Variants in UNC5C observed in about 807,000 individuals in gnomAD.
The protein encoded by UNC5C is unc-5 netrin receptor C.
In UNC5C, 47 loss-of-function variants were observed where a neutral mutation model predicts 99.8. The ratio of observed to expected loss-of-function variants is 0.47; its 90% CI spans 0.37 to 0.60. UNC5C has a LOEUF of 0.60. UNC5C is among the 20% of genes least tolerant of loss of function. The pLI is 0.00. For missense variants in UNC5C, 1,062 were observed against 1,165.9 expected, an observed-to-expected ratio of 0.91 and a Z score of 1.30; for synonymous variants, 487 against 452.2, an observed-to-expected ratio of 1.08 and a Z score of -0.98.
intron 1 of UNC5C, among the ~76,000 whole-genome samples, chr4:95,434,728 AT>A (rs1393098876): frequency 2.0e-5 from 3 of 152,034 alleles, no homozygotes; most frequent in Non-Finnish European, 2.9e-5. Context: ...CCATGACTAT[AT>A]TATCTTTCTC....
chr4:95,240,450 C>G (rs1739287211), intron 7 of UNC5C, among the ~76,000 whole-genome samples: 1 of 152,098 alleles, frequency 6.6e-6, no homozygotes, highest in Non-Finnish European at 1.5e-5. Context: ...GACTACAATT[C>G]TCTGTTGGAC....
intron 7 of UNC5C, among the ~76,000 whole-genome samples, chr4:95,227,138 TG>T (rs1219555164): frequency 1.7e-5 from 2 of 117,096 alleles, no homozygotes; most frequent in East Asian, 3.7e-4. Flanking sequence ...TTTAAAACAA[TG>T]TTTTTTTTTT....
At chr4:95,375,509 T>C (rs996967529) in intron 1 of UNC5C, among the ~76,000 whole-genome samples, 12 of 152,162 alleles carry the variant, frequency 7.9e-5, no homozygotes, top group Non-Finnish European at 1.5e-4. Context: ...AACATGTTAA[T>C]ATAAAATGCT....
chr4:95,185,596 T>TTAAC (rs1329355805), intron 12 of UNC5C, among the ~76,000 whole-genome samples: 2 of 152,196 alleles, frequency 1.3e-5, no homozygotes, highest in Non-Finnish European at 2.9e-5. Context: ...AGATTTTCAA[T>TTAAC]TAACTTTTAC....
chr4:95,343,361 CA>C (rs1743650086), intron 1 of UNC5C, among the ~76,000 whole-genome samples: 1 of 151,992 alleles, frequency 6.6e-6, no homozygotes, highest in South Asian at 2.1e-4. Flanking sequence ...GGGAAGAGAC[CA>C]AAATTCTCTG....
At chr4:95,539,839 T>C (rs930640626) in intron 1 of UNC5C, among the ~76,000 whole-genome samples, 21 of 152,152 alleles carry the variant, frequency 1.4e-4, no homozygotes, top group South Asian at 6.2e-4. Context: ...GATCACCACG[T>C]CTAATAAATC....
At chr4:95,325,288 T>C (rs187828931) in intron 2 of UNC5C, among the ~76,000 whole-genome samples, 29 of 152,304 alleles carry the variant, frequency 1.9e-4, no homozygotes, top group Admixed American at 1.8e-3. Context: ...TGAACGCTTG[T>C]TTTTTAGGCC....
intron 1 of UNC5C, among the ~76,000 whole-genome samples, chr4:95,468,140 TTTG>T (rs1747849316): frequency 6.6e-6 from 1 of 151,572 alleles, no homozygotes; most frequent in Non-Finnish European, 1.5e-5. Context: ...TTTTTTTTTT[TTTG>T]TTTTTTCATT....
chr4:95,411,083 AT>A (rs1288440019), intron 1 of UNC5C, among the ~76,000 whole-genome samples: 1 of 152,098 alleles, frequency 6.6e-6, no homozygotes, highest in African/African-American at 2.4e-5. Context: ...AAAAGAAATT[AT>A]TTTCTTATCT....
intron 1 of UNC5C, among the ~76,000 whole-genome samples, chr4:95,455,970 C>A (rs563436281): frequency 3.9e-5 from 6 of 152,180 alleles, no homozygotes; most frequent in African/African-American, 1.4e-4. Context: ...TCTGAAACCA[C>A]AAGTTTGAAA....
intron 7 of UNC5C, among the ~76,000 whole-genome samples, chr4:95,224,241 C>A (rs1379364240): frequency 6.6e-6 from 1 of 152,176 alleles, no homozygotes; most frequent in Non-Finnish European, 1.5e-5. Flanking sequence ...AGAGATTGCG[C>A]CACTGCACTC....
chr4:95,242,710 A>C, intron 6 of UNC5C, 117 bp from the exon 7 acceptor site: 2 of 1,172,008 alleles, frequency 1.7e-6, no homozygotes, highest in Non-Finnish European at 2.3e-6. Flanking sequence ...CCTACTGAGA[A>C]GCACTGTATT....
chr4:95,320,885 T>G (rs1201345982), intron 2 of UNC5C, among the ~76,000 whole-genome samples: 12 of 152,368 alleles, frequency 7.9e-5, no homozygotes, highest in South Asian at 2.1e-4. Context: ...AGGAGTTATG[T>G]GTTACAAGTA....
chr4:95,354,479 A>ATATATATATAT, intron 1 of UNC5C, among the ~76,000 whole-genome samples: 10 of 110,352 alleles, frequency 9.1e-5, no homozygotes, highest in African/African-American at 4.0e-4. Flanking sequence ...ATATATATAT[A>ATATATATATAT]TTTTTTTTTT....
At chr4:95,286,629 C>T (rs1169684438) in intron 3 of UNC5C, among the ~76,000 whole-genome samples, 2 of 152,306 alleles carry the variant, frequency 1.3e-5, no homozygotes, top group Non-Finnish European at 2.9e-5. Context: ...AGGGGCCATT[C>T]AGGTAACAAA....
At chr4:95,517,971 C>T (rs1343912524) in intron 1 of UNC5C, among the ~76,000 whole-genome samples, 7 of 151,996 alleles carry the variant, frequency 4.6e-5, no homozygotes, top group Admixed American at 4.6e-4. Flanking sequence ...ACGTGAGTGA[C>T]GTTAAAACAT....
intron 1 of UNC5C, among the ~76,000 whole-genome samples, chr4:95,381,150 T>C (rs1745057376): frequency 6.6e-6 from 1 of 152,226 alleles, no homozygotes; most frequent in African/African-American, 2.4e-5. Flanking sequence ...TATTGCACTA[T>C]CATCAAACAA....
At chr4:95,481,397 G>A (rs1422516881) in intron 1 of UNC5C, among the ~76,000 whole-genome samples, 6 of 151,858 alleles carry the variant, frequency 4.0e-5, no homozygotes, top group Admixed American at 2.6e-4. Flanking sequence ...ATGCTCATGG[G>A]TAGGAAGAAT....
chr4:95,504,562 T>A (rs1721862590), intron 1 of UNC5C, among the ~76,000 whole-genome samples: 1 of 152,088 alleles, frequency 6.6e-6, no homozygotes, highest in African/African-American at 2.4e-5. Context: ...CAGGGGGTAT[T>A]TCATTACGGA....
Sources: allele counts gnomAD v4.1 joint callset (sites outside exome capture counted in the v4.1 genomes callset), GRCh38; gene constraint gnomAD v4.1.1; transcripts MANE v1.5; gene names NCBI Gene and HGNC (gene_info 2026-07-23, HGNC 2026-07-21).